ARID4B: variants seen among roughly 807,000 people sequenced by gnomAD.
The protein encoded by ARID4B is AT-rich interaction domain 4B.
ARID4B carries 26 observed loss-of-function variants against 147.5 expected under a neutral mutation model. The observed-to-expected ratio is 0.18, with a 90% CI of 0.13 to 0.24. The LOEUF is 0.24. Ranked by LOEUF, ARID4B falls within the 10% of genes least tolerant of loss-of-function variation. The pLI is 1.00. For synonymous variants in ARID4B, 512 were observed against 507.9 expected (o/e 1.01, Z -0.11); for missense variants, 1,179 against 1,511.5 (o/e 0.78, Z 3.65).
intron 17 of ARID4B, among the ~76,000 whole-genome samples, chr1:235,200,348 A>AC (rs1665819869): frequency 6.6e-6 from 1 of 152,182 alleles, no homozygotes; most frequent in African/African-American, 2.4e-5. Context: ...AGTCCTAGCT[A>AC]CTTGGGATGC....
At chr1:235,211,221 C>T (rs12096957) in intron 17 of ARID4B, among the ~76,000 whole-genome samples, 4,162 of 152,206 alleles carry the variant, frequency 0.027, 211 homozygotes, top group African/African-American at 0.094. Flanking sequence ...ATCTCAGCTA[C>T]TCAGGAGACT....
intron 8 of ARID4B, among the ~76,000 whole-genome samples, chr1:235,239,559 G>T (rs1158399539): frequency 6.6e-6 from 1 of 152,114 alleles, no homozygotes; most frequent in Non-Finnish European, 1.5e-5. Flanking sequence ...AAAGAAAATG[G>T]TCTATACATG....
chr1:235,252,912 A>G (rs1425214618), intron 5 of ARID4B, 103 bp from the exon 6 acceptor site: 25 of 803,388 alleles, frequency 3.1e-5, no homozygotes, highest in Non-Finnish European at 3.9e-5. Flanking sequence ...CTACTATTTA[A>G]GACTACATTT....
At chr1:235,279,902 ATG>A (rs1327442132) in intron 2 of ARID4B, among the ~76,000 whole-genome samples, 1 of 152,200 alleles carries the variant, frequency 6.6e-6, no homozygotes, top group African/African-American at 2.4e-5. Context: ...TAGGGGAATT[ATG>A]TGTGTCTTGT....
intron 2 of ARID4B, among the ~76,000 whole-genome samples, chr1:235,272,515 C>T (rs563583309): frequency 2.6e-4 from 39 of 152,024 alleles, no homozygotes; most frequent in Non-Finnish European, 2.9e-4. Context: ...TAATCAGAAG[C>T]GTCTTATATA....
intron 19 of ARID4B, among the ~76,000 whole-genome samples, chr1:235,186,738 T>C (rs1664711728): frequency 6.6e-6 from 1 of 151,530 alleles, no homozygotes; most frequent in South Asian, 2.1e-4. Context: ...TGTTTTTGTT[T>C]TTTTTGAGAC....
At chr1:235,205,155 C>CT (rs1666226559) in intron 17 of ARID4B, among the ~76,000 whole-genome samples, 2 of 152,042 alleles carry the variant, frequency 1.3e-5, no homozygotes. Context: ...ACTTTGTACT[C>CT]TATTTCAATA....
intron 2 of ARID4B, among the ~76,000 whole-genome samples, chr1:235,280,312 A>G (rs1399734095): frequency 1.3e-5 from 2 of 152,226 alleles, no homozygotes; most frequent in Non-Finnish European, 2.9e-5. Flanking sequence ...GTTCTTGTAC[A>G]GTAAAGAACA....
At chr1:235,273,976 T>A (rs1018488949) in intron 2 of ARID4B, among the ~76,000 whole-genome samples, 3 of 152,188 alleles carry the variant, frequency 2.0e-5, no homozygotes, top group Non-Finnish European at 4.4e-5. Flanking sequence ...ACAAGCGAAG[T>A]AATACTACTC....
intron 5 of ARID4B, 48 bp from the exon 6 acceptor site, chr1:235,252,857 A>T: frequency 6.7e-7 from 1 of 1,489,474 alleles, no homozygotes; most frequent in Non-Finnish European, 9.3e-7. Context: ...TTTTTCAAAG[A>T]TCAAAGAGAT....
At chr1:235,234,340 A>G (rs1572041510) in intron 9 of ARID4B, 73 bp downstream of exon 9, 1 of 959,458 alleles carries the variant, frequency 1.0e-6, no homozygotes, top group East Asian at 2.6e-5. Context: ...CTAATTAATC[A>G]TTTAACATCC....
intron 2 of ARID4B, among the ~76,000 whole-genome samples, chr1:235,279,550 G>A (rs1253993177): frequency 1.3e-5 from 2 of 152,066 alleles, no homozygotes; most frequent in African/African-American, 2.4e-5. Context: ...AATAATCAAC[G>A]CAAACAACTA....
At chr1:235,272,504 A>G (rs1671055036) in intron 2 of ARID4B, among the ~76,000 whole-genome samples, 1 of 152,176 alleles carries the variant, frequency 6.6e-6, no homozygotes. Context: ...AAAATACCTT[A>G]TAATCAGAAG....
intron 1 of ARID4B, chr1:235,327,536 C>T (rs1180909964): frequency 6.6e-6 from 1 of 152,266 alleles, no homozygotes; most frequent in African/African-American, 2.4e-5. Flanking sequence ...ACGGCCCCCA[C>T]CCTGCCCGGG....
chr1:235,208,865 T>C (rs986049281), intron 17 of ARID4B, among the ~76,000 whole-genome samples: 5 of 152,202 alleles, frequency 3.3e-5, no homozygotes, highest in African/African-American at 1.2e-4. Flanking sequence ...TTCTAAATTG[T>C]TATTTTTAGA....
chr1:235,239,942 T>C (rs1313880895), intron 8 of ARID4B, among the ~76,000 whole-genome samples: 3 of 152,170 alleles, frequency 2.0e-5, no homozygotes, highest in African/African-American at 7.2e-5. Flanking sequence ...GGAAACACCC[T>C]GATTCACTAA....
chr1:235,257,109 A>T (rs769006051), intron 4 of ARID4B, 51 bp downstream of exon 4: 3 of 1,246,012 alleles, frequency 2.4e-6, no homozygotes, highest in East Asian at 4.6e-5. Flanking sequence ...ACCAAGTATG[A>T]TTATTTTTTC....
chr1:235,321,084 T>A (rs1043371183), intron 2 of ARID4B, among the ~76,000 whole-genome samples: 1 of 152,138 alleles, frequency 6.6e-6, no homozygotes, highest in African/African-American at 2.4e-5. Context: ...CAGAACAATG[T>A]CCGGTACAAG....
At chr1:235,186,426 T>G (rs1191231189) in intron 19 of ARID4B, among the ~76,000 whole-genome samples, 4 of 151,778 alleles carry the variant, frequency 2.6e-5, no homozygotes, top group Non-Finnish European at 4.4e-5. Context: ...TTTTTTTTTT[T>G]AAGAGACAGA....
Sources: gnomAD v4.1 joint callset for allele counts (sites outside exome capture counted in the v4.1 genomes callset) on GRCh38, gnomAD v4.1.1 for gene constraint, MANE v1.5 for transcripts, NCBI Gene and HGNC (gene_info 2026-07-23, HGNC 2026-07-21) for gene names.